ZNF503: variants seen among roughly 807,000 people sequenced by gnomAD.
ZNF503 encodes the protein zinc finger protein 503.
ZNF503 carries 15 observed loss-of-function variants against 34.4 expected under a neutral mutation model. The ratio of observed to expected loss-of-function variants is 0.44; its 90% CI spans 0.29 to 0.67. The LOEUF is 0.67. Among genes scored for constraint, ZNF503 ranks in the 30% least tolerant of loss-of-function variants. The pLI is 0.13. For synonymous variants in ZNF503, 580 were observed against 456.8 expected (o/e 1.27, Z -3.44); for missense variants, 1,007 against 926.8 (o/e 1.09, Z -1.12).
Position 75,401,307 on chromosome 10 carries a change from C to G in ZNF503, c.113G>C (p.Gly38Ala), listed in dbSNP as rs761853069. ...ADPAWTSALS[G>A]NSSGPGPGSS... Reference sequence around the variant, plus strand: ...GCCTGGGCCGGGGCCGGAGCTATTTCCAGAGAGCGCGCTGGTCCAGGCAGG... The same window carrying G: ...GCCTGGGCCGGGGCCGGAGCTATTTGCAGAGAGCGCGCTGGTCCAGGCAGG... The change falls in exon 1 of 2, where the codon GGA becomes GCA. Residue 38 changes from glycine to alanine, a missense_variant. Gly to Ala is a moderately conservative substitution (Grantham distance 60, BLOSUM62 0). Transcript: ENST00000372524. The G allele has an allele frequency of 6.4e-7, 1 of 1,553,568 alleles. No homozygotes were observed. The highest frequency in any genetic ancestry group is 1.9e-5 in the Admixed American group (1 of 51,826).
chr10:75,306,988 T>G, the ZNF503 span, among the ~76,000 whole-genome samples: 1 of 152,034 alleles, frequency 6.6e-6, no homozygotes, highest in Admixed American at 6.6e-5. Flanking sequence ...TAGGCCAATT[T>G]CAATATTAGG....
At chr10:75,315,959 G>A in the ZNF503 span, among the ~76,000 whole-genome samples, 3 of 152,244 alleles carry the variant, frequency 2.0e-5, no homozygotes, top group South Asian at 6.2e-4. Context: ...TACATCAAAA[G>A]CTGTATCAAG....
the ZNF503 span, among the ~76,000 whole-genome samples, chr10:75,351,782 G>A: frequency 1.1e-4 from 16 of 152,274 alleles, 2 homozygotes; most frequent in African/African-American, 3.9e-4. Context: ...ACAGTGGAAA[G>A]AGCCTGGACT....
chr10:75,287,599 A>T, the ZNF503 span, among the ~76,000 whole-genome samples: 1 of 151,828 alleles, frequency 6.6e-6, no homozygotes, highest in Non-Finnish European at 1.5e-5. Flanking sequence ...TACTTTCTGG[A>T]CCTGTGACTT....
At chr10:75,307,924 A>G in the ZNF503 span, among the ~76,000 whole-genome samples, 1 of 151,466 alleles carries the variant, frequency 6.6e-6, no homozygotes, top group East Asian at 1.9e-4. Flanking sequence ...ACAAAAAAAT[A>G]AAAAAATGAG....
At chr10:75,319,947 T>A in the ZNF503 span, among the ~76,000 whole-genome samples, 2 of 152,210 alleles carry the variant, frequency 1.3e-5, no homozygotes, top group Non-Finnish European at 2.9e-5. Context: ...TATAATTTTT[T>A]AAAATCCCAA....
At chr10:75,369,582 A>C in the ZNF503 span, among the ~76,000 whole-genome samples, 1 of 152,216 alleles carries the variant, frequency 6.6e-6, no homozygotes, top group East Asian at 1.9e-4. Context: ...AGTCAATTAA[A>C]TCTCTTTCCT....
At chr10:75,284,781 T>G in the ZNF503 span, among the ~76,000 whole-genome samples, 13 of 152,170 alleles carry the variant, frequency 8.5e-5, no homozygotes, top group Non-Finnish European at 1.6e-4. Context: ...TTATTTACAC[T>G]CAAATGGACT....
chr10:75,292,926 C>G, the ZNF503 span, among the ~76,000 whole-genome samples: 4 of 152,176 alleles, frequency 2.6e-5, no homozygotes, highest in African/African-American at 9.6e-5. Context: ...ATGTACATGG[C>G]TCAAAATGGC....
At chr10:75,294,168 C>T in the ZNF503 span, among the ~76,000 whole-genome samples, 4 of 152,234 alleles carry the variant, frequency 2.6e-5, no homozygotes, top group African/African-American at 9.6e-5. Context: ...CATGCCTTAT[C>T]TGGGCAGATC....
chr10:75,399,831 C>A lies in ZNF503; in HGVS notation c.859G>T (p.Gly287Cys). Residue 287 changes from glycine to cysteine, a missense_variant, in exon 2 of 2, where the codon GGC (glycine) becomes TGC (cysteine). Coordinates refer to ENST00000372524, the MANE Select transcript of ZNF503 (RefSeq NM_032772.6). ...TGLAHGRISC[G>C]GGINVDVNQH... ...TTCACATCCACATTAATCCCGCCGC[C>A]GCAGCTAATCCGGCCGTGTGCCAGC... 6.2e-7 allele frequency: 1 copy of A among 1,604,762 alleles called. No individual in the cohort carries two copies.
At chr10:75,297,598 A>G in the ZNF503 span, among the ~76,000 whole-genome samples, 1 of 152,222 alleles carries the variant, frequency 6.6e-6, no homozygotes, top group Non-Finnish European at 1.5e-5. Context: ...TGGTGGCAAT[A>G]AGGAAGGCAG....
At chr10:75,333,638 A>C in the ZNF503 span, among the ~76,000 whole-genome samples, 1 of 38,668 alleles carries the variant, frequency 2.6e-5, no homozygotes, top group South Asian at 1.3e-3. Flanking sequence ...CGGGGGGCTG[A>C]CCCCCCCACC....
chr10:75,400,089 C>T lies in ZNF503; in HGVS notation c.601G>A (p.Gly201Ser). The change falls in exon 2 of 2, where the codon GGC becomes AGC. Residue 201 changes from glycine to serine, a missense_variant. Coordinates refer to ENST00000372524, the MANE Select transcript of ZNF503 (RefSeq NM_032772.6). ...GGGGGGGGGG[G>S]GGGVSSEKSG... ...TTCTCCGACGAAACACCCCCGCCGCCGCCCCCGCCACCGCCACCGCCTCCA... is the reference window on the plus strand; with the variant it reads ...TTCTCCGACGAAACACCCCCGCCGCTGCCCCCGCCACCGCCACCGCCTCCA... 6.5e-7 allele frequency: 1 copy of T among 1,542,820 alleles called. No homozygotes were observed. Among genetic ancestry groups the T allele is most frequent in the East Asian group, 2.4e-5 (1 of 40,934 alleles).
At chr10:75,289,390 C>T in the ZNF503 span, among the ~76,000 whole-genome samples, 1 of 152,068 alleles carries the variant, frequency 6.6e-6, no homozygotes, top group South Asian at 2.1e-4. Context: ...TAATAAACCA[C>T]TCAAAATCAT....
At position 75,399,658 on chromosome 10, in the gene ZNF503, C is replaced by T. The variant is rs1843755229; in HGVS notation, c.1032G>A (p.Lys344=). 3 of 1,599,416 alleles carry T rather than the reference C, an allele frequency of 1.9e-6. No individual in the cohort carries two copies. The highest frequency in any genetic ancestry group is 2.5e-6 in the Non-Finnish European group (3 of 1,179,628). The change falls in exon 2 of 2, where the codon AAG becomes AAA. Residue 344 remains lysine, a synonymous_variant. Transcript: ENST00000372524. ...SGLVAPVSPY[K]PGQTVFPLPP... ...GCAGAGGGAACACTGTCTGGCCCGG[C>T]TTGTAGGGTGACACGGGAGCCACCA...
the ZNF503 span, among the ~76,000 whole-genome samples, chr10:75,368,002 G>C: frequency 6.6e-6 from 1 of 152,136 alleles, no homozygotes; most frequent in Non-Finnish European, 1.5e-5. Flanking sequence ...CTTGGGGAAG[G>C]CCCAGTAAAC....
the ZNF503 span, among the ~76,000 whole-genome samples, chr10:75,348,811 CGCCCCTAT>C: frequency 6.6e-6 from 1 of 152,164 alleles, no homozygotes; most frequent in Non-Finnish European, 1.5e-5. Flanking sequence ...CGCACCCGGC[CGCCCCTAT>C]TACTTTTTAA....
chr10:75,329,861 T>C, the ZNF503 span, among the ~76,000 whole-genome samples: 1 of 152,194 alleles, frequency 6.6e-6, no homozygotes, highest in Non-Finnish European at 1.5e-5. Context: ...TTATATTTTT[T>C]ACCTTGCTTA....
Sources: gnomAD v4.1 joint callset for allele counts (sites outside exome capture counted in the v4.1 genomes callset) on GRCh38, gnomAD v4.1.1 for gene constraint, MANE v1.5 for transcripts, NCBI Gene and HGNC (gene_info 2026-07-23, HGNC 2026-07-21) for gene names.